The following MB21D2 variants were observed in gnomAD, a reference collection of about 807,000 sequenced individuals.
The protein encoded by MB21D2 is Mab-21 domain containing 2.
Under a neutral mutation model 33.3 loss-of-function variants are expected in MB21D2, and 9 were observed. That is an observed-to-expected ratio of 0.27 (90% CI 0.16 to 0.47). The LOEUF is 0.47. Among genes scored for constraint, MB21D2 ranks in the 20% least tolerant of loss-of-function variants. MB21D2 has a pLI of 0.99. For missense variants in MB21D2, 540 were observed against 624.6 expected, an observed-to-expected ratio of 0.86 and a Z score of 1.44; for synonymous variants, 241 against 236.3, an observed-to-expected ratio of 1.02 and a Z score of -0.18.
chr3:192,817,920 C>T (rs1711962289), intron 1 of MB21D2, among the ~76,000 whole-genome samples: 1 of 149,624 alleles, frequency 6.7e-6, no homozygotes, highest in Non-Finnish European at 1.5e-5. Flanking sequence ...GTCTTAACTG[C>T]TCCCTTATGT....
chr3:192,831,492 G>A (rs1712313605), intron 1 of MB21D2, among the ~76,000 whole-genome samples: 1 of 152,196 alleles, frequency 6.6e-6, no homozygotes. Context: ...AGAACAGAAA[G>A]ATGGATCTGA....
At position 192,917,729 on chromosome 3, in the gene MB21D2, T is replaced by C. The variant is rs1414461805; in HGVS notation, c.112A>G (p.Lys38Glu). The change falls in exon 1 of 2, where the codon AAA (lysine) becomes GAA (glutamate). Residue 38 changes from lysine to glutamate, a missense_variant. Physicochemically the swap from Lys to Glu is moderately conservative, Grantham distance 56 (BLOSUM62 1). Coordinates refer to ENST00000392452, the MANE Select transcript of MB21D2 (RefSeq NM_178496.4). ...TGCTTCGTAAATTCTTGGATGAGTT[T>C]GTTCAATTCCTCCACCCGAGCTCCC... is the stretch of plus-strand genomic sequence containing the variant. ...RSGARVEELN[K>E]LIQEFTKHDQ... The C allele has an allele frequency of 6.2e-7, 1 of 1,614,034 alleles. No homozygotes were observed. The highest frequency in any genetic ancestry group is 8.5e-7 in the Non-Finnish European group (1 of 1,180,042).
chr3:192,863,821 C>T (rs1713105357), intron 1 of MB21D2, among the ~76,000 whole-genome samples: 1 of 152,166 alleles, frequency 6.6e-6, no homozygotes, highest in Non-Finnish European at 1.5e-5. Context: ...AGTGAAACAA[C>T]AGCTGTCTGT....
At chr3:192,881,165 G>T (rs1179676635) in intron 1 of MB21D2, among the ~76,000 whole-genome samples, 1 of 151,980 alleles carries the variant, frequency 6.6e-6, no homozygotes, top group South Asian at 2.1e-4. Context: ...AGTTATCTTT[G>T]TAAACAGAAA....
intron 1 of MB21D2, among the ~76,000 whole-genome samples, chr3:192,858,457 G>A (rs1200539490): frequency 6.6e-6 from 1 of 152,172 alleles, no homozygotes; most frequent in Non-Finnish European, 1.5e-5. Context: ...TCCTAAAGAT[G>A]TCTGAAGACC....
intron 1 of MB21D2, among the ~76,000 whole-genome samples, chr3:192,817,906 C>A (rs1431911922): frequency 6.7e-6 from 1 of 148,370 alleles, no homozygotes; most frequent in Admixed American, 6.9e-5. Context: ...CCATTTTCGT[C>A]CCTGTCTTAA....
chr3:192,858,016 C>T (rs1369104403), intron 1 of MB21D2, among the ~76,000 whole-genome samples: 10 of 151,856 alleles, frequency 6.6e-5, no homozygotes, highest in Admixed American at 5.3e-4. Context: ...TCCCAGCTAC[C>T]GGGGAGGCTG....
At chr3:192,907,603 A>G (rs1357200193) in intron 1 of MB21D2, among the ~76,000 whole-genome samples, 1 of 152,206 alleles carries the variant, frequency 6.6e-6, no homozygotes, top group Non-Finnish European at 1.5e-5. Context: ...ATGGGGATTA[A>G]TACTTCCTAT....
intron 1 of MB21D2, among the ~76,000 whole-genome samples, chr3:192,911,659 A>G (rs1183571038): frequency 6.7e-6 from 1 of 149,710 alleles, no homozygotes; most frequent in Non-Finnish European, 1.5e-5. Context: ...TGAGCAATGT[A>G]TTATCCAATG....
chr3:192,886,167 T>C lies in MB21D2; in HGVS notation c.211+31463A>G, dbSNP rs372841010. ...TAGAGACAGGGTTTCACCATCTCGG[T>C]CAGGCTGGTCTTGAACTCCTGACCT... On this transcript the variant is annotated intron_variant, in intron 1 of 1. Coordinates refer to ENST00000392452, the MANE Select transcript of MB21D2 (RefSeq NM_178496.4). Among the ~76,000 whole-genome samples, 201 of 152,068 alleles carry C rather than the reference T, an allele frequency of 1.3e-3. 3 individuals carry two copies. In the South Asian group the frequency reaches 0.018, roughly 14 times the overall value.
At chr3:192,863,428 G>C (rs894312116) in intron 1 of MB21D2, among the ~76,000 whole-genome samples, 4 of 152,220 alleles carry the variant, frequency 2.6e-5, no homozygotes, top group Admixed American at 1.3e-4. Flanking sequence ...TTCCAAGTGG[G>C]AATTGTGATG....
rs187927843 is a variant in MB21D2 at position 192,890,080 on chromosome 3, C to A, written c.211+27550G>T. ...TTACCTTTATTTATTCCCAGAATAACAGAAACAAGAACCAAGAGCAACCTT... is the reference window on the plus strand; with the variant it reads ...TTACCTTTATTTATTCCCAGAATAAAAGAAACAAGAACCAAGAGCAACCTT... On this transcript the variant is annotated intron_variant, in intron 1 of 1. Coordinates refer to ENST00000392452, the MANE Select transcript of MB21D2 (RefSeq NM_178496.4). Among the ~76,000 whole-genome samples, 8 of 152,170 alleles carry A rather than the reference C, an allele frequency of 5.3e-5. No homozygotes were observed. The East Asian group carries it at 1.3e-3, about 26-fold the overall frequency.
intron 1 of MB21D2, among the ~76,000 whole-genome samples, chr3:192,809,523 C>T (rs1271332023): frequency 2.0e-5 from 3 of 152,170 alleles, no homozygotes; most frequent in African/African-American, 7.2e-5. Context: ...ATTAAATGGG[C>T]TTTCCTAGGA....
At chr3:192,884,271 T>C (rs771203005) in intron 1 of MB21D2, among the ~76,000 whole-genome samples, 17 of 152,148 alleles carry the variant, frequency 1.1e-4, no homozygotes, top group Non-Finnish European at 2.4e-4. Context: ...ATTCTTTAAT[T>C]CTGCACTAAT....
At chr3:192,908,709 C>T (rs1052003337) in intron 1 of MB21D2, among the ~76,000 whole-genome samples, 4 of 151,900 alleles carry the variant, frequency 2.6e-5, no homozygotes, top group South Asian at 2.1e-4. Context: ...TGAGCCACCA[C>T]GCCGGGCCAA....
At chr3:192,874,362 G>A (rs1361269297) in intron 1 of MB21D2, among the ~76,000 whole-genome samples, 1 of 152,174 alleles carries the variant, frequency 6.6e-6, no homozygotes, top group Non-Finnish European at 1.5e-5. Flanking sequence ...ATTCTCCAAA[G>A]CTCTATCACT....
In MB21D2 at chr3:192,897,432, A is replaced by C. The variant is rs571856788; in HGVS notation, c.211+20198T>G. ...GTTTTGAGTTCCCATTTTACCAGTA[A>C]CTTGCCATAAGATAGAGATTAGTGA... On this transcript the variant is annotated intron_variant, in intron 1 of 1. Coordinates refer to ENST00000392452, the MANE Select transcript of MB21D2 (RefSeq NM_178496.4). Among the ~76,000 whole-genome samples, 8 of 152,256 alleles carry C rather than the reference A, an allele frequency of 5.3e-5. No individual in the cohort carries two copies. In the South Asian group the frequency reaches 1.5e-3, roughly 28 times the overall value.
chr3:192,798,404 A>T lies in MB21D2; in HGVS notation c.1458T>A (p.Ile486=), dbSNP rs745875658. The T allele has an allele frequency of 8.7e-6, 14 of 1,613,268 alleles. No homozygotes were observed. The East Asian group carries it at 3.1e-4, about 36-fold the overall frequency. Residue 486 remains isoleucine, a synonymous_variant, in exon 2 of 2, where the codon ATT becomes ATA. Coordinates refer to ENST00000392452, the MANE Select transcript of MB21D2 (RefSeq NM_178496.4). This position sits in a 1 kb window ranked among gnomAD's most constrained non-coding sequence, Gnocchi z 4.8. The stretch of plus-strand genomic sequence containing the variant: ...CTAACACTCAGAAAAATTTGTCATC[A>T]ATTCTGAAATGGGGCCTTGTGACAT... ...PDDVTRPHFR[I]DDKFF
At chr3:192,877,111 C>T (rs2221202) in intron 1 of MB21D2, among the ~76,000 whole-genome samples, 93,633 of 152,038 alleles carry the variant, frequency 0.62, 31,221 homozygotes, top group African/African-American at 0.89. Context: ...TCTAAGCAAT[C>T]CCAAGACCCC....
Sources: allele counts gnomAD v4.1 joint callset (sites outside exome capture counted in the v4.1 genomes callset), GRCh38; gene constraint gnomAD v4.1.1; non-coding constraint Gnocchi (gnomAD v3.1); transcripts MANE v1.5; gene names NCBI Gene and HGNC (gene_info 2026-07-23, HGNC 2026-07-21).